SETD1B: variants seen among roughly 807,000 people sequenced by gnomAD.
SETD1B encodes the protein SET domain containing 1B, histone lysine methyltransferase, also known as histone-lysine N-methyltransferase SETD1B.
SETD1B carries 7 observed loss-of-function variants against 148.0 expected under a neutral mutation model. The ratio of observed to expected loss-of-function variants is 0.05; its 90% confidence interval spans 0.03 to 0.09. The LOEUF (loss-of-function observed/expected upper bound fraction) is 0.09. SETD1B is among the 10% of genes least tolerant of loss of function. SETD1B has a pLI of 1.00. For synonymous variants in SETD1B, 1,361 were observed against 1,186.5 expected, an observed-to-expected ratio of 1.15 and a Z score of -3.02; for missense variants, 2,155 against 2,729.9, an observed-to-expected ratio of 0.79 and a Z score of 4.69.
Position 121,804,973 on chromosome 12 carries a change from C to T in SETD1B, c.174+62C>T. ...GTCGTGTCCGGGGAGACGCGCCTAG[C>T]GGCCAGGGACCCCCCGCCCGATCCC... On this transcript the variant is annotated intron_variant, in intron 2 of 16. Transcript: ENST00000604567. The surrounding 1 kb of genome is among the most constrained non-coding windows in gnomAD (Gnocchi z 4.6). 6.8e-7 allele frequency: 1 copy of T among 1,465,220 alleles called. No individual in the cohort carries two copies. The highest frequency in any genetic ancestry group is 9.1e-7 in the Non-Finnish European group (1 of 1,098,988). The allele number at this position is 1,465,220 out of a possible 1,614,324, so 90.8% of individuals were successfully genotyped here.
rs375496006 is a variant in SETD1B at position 121,829,290 on chromosome 12, A to G, written c.5728-776A>G. On this transcript the variant is annotated intron_variant, in intron 16 of 16. Transcript: ENST00000604567. ...CCAAGGGGGCTGTAGCAGGCGGGTG[A>G]GCAGTGATGGGGGCCTGAGCGTGGC... Among the ~76,000 whole-genome samples the G allele has an allele frequency of 4.5e-4, 68 of 152,126 alleles. 1 individual carries two copies. Among genetic ancestry groups the G allele is most frequent in the African/African-American group, 1.6e-3 (67 of 41,502 alleles).
chr12:121,802,390 C>G (rs117907593), upstream of SETD1B: 1 of 152,178 alleles, frequency 6.6e-6, no homozygotes, highest in Admixed American at 6.5e-5. Flanking sequence ...AAAAGAGTAA[C>G]AACTGCTCAC....
intron 7 of SETD1B, 143 bp from the exon 8 acceptor site, chr12:121,816,890 G>C: frequency 1.4e-6 from 1 of 710,802 alleles, no homozygotes; most frequent in Non-Finnish European, 2.3e-6. Flanking sequence ...ACGGCATAGT[G>C]TGGCCAGGTG....
chr12:121,827,883 G>A (rs367757831), intron 15 of SETD1B, 29 bp downstream of exon 15: 101 of 1,552,988 alleles, frequency 6.5e-5, no homozygotes, highest in Non-Finnish European at 7.9e-5. Flanking sequence ...GATGGGCACC[G>A]GGGTGGGCAT....
chr12:121,797,446 C>T, the SETD1B span: 2 of 456,374 alleles, frequency 4.4e-6, no homozygotes, highest in South Asian at 3.1e-5. Context: ...AACTGCCTCA[C>T]CCTCCCTGCC....
Position 121,810,665 on chromosome 12 carries a change from C to T in SETD1B, c.1720C>T (p.Pro574Ser). The change falls in exon 6 of 17, where the codon CCA becomes TCA. Residue 574 changes from proline to serine, a missense_variant. Physicochemically the swap from Pro to Ser is moderately conservative, Grantham distance 74. Transcript: ENST00000604567. The surrounding 1 kb of genome is among the most constrained non-coding windows in gnomAD (Gnocchi z 7.6). Reference protein sequence around the residue: ...PSSTGLEDISPTPLPDSDEDE... With the variant: ...PSSTGLEDISSTPLPDSDEDE... ...CAGCACCGGCCTGGAGGATATCAGC[C>T]CAACACCCCTCCCAGACTCCGACGA... 6.5e-7 allele frequency: 1 copy of T among 1,549,982 alleles called. No homozygotes were observed. The highest frequency in any genetic ancestry group is 8.7e-7 in the Non-Finnish European group (1 of 1,146,824).
rs1244643048 is a variant in SETD1B at position 121,831,480 on chromosome 12, CAAAAG to C, written c.*1242_*1246del. 2.0e-5 allele frequency: 3 copies of C among 150,114 alleles called. No homozygotes were observed. The highest frequency in any genetic ancestry group is 3.9e-4 in the East Asian group (2 of 5,130). 9.3% of individuals were successfully genotyped at this position (150,114 alleles called of 1,614,324 possible). ...TTTTTTTCTTGTGCGTGTATAAAATCAAAAGGAAGGGGAAAAAGGTTTTTGAAGTT... is the reference window on the plus strand; with the variant it reads ...TTTTTTTCTTGTGCGTGTATAAAATCGAAGGGGAAAAAGGTTTTTGAAGTT... On this transcript the variant is annotated 3_prime_UTR_variant, in exon 17 of 17. Coordinates refer to ENST00000604567, the MANE Select transcript of SETD1B (RefSeq NM_001353345.2).
chr12:121,816,949 G>A, intron 7 of SETD1B, 84 bp from the exon 8 acceptor site: 1 of 1,274,632 alleles, frequency 7.8e-7, no homozygotes, highest in East Asian at 2.6e-5. Flanking sequence ...ACTGCCGAGT[G>A]GAAGGCAGGT....
At chr12:121,818,694 T>C (rs1876416501) in intron 10 of SETD1B, among the ~76,000 whole-genome samples, 1 of 149,608 alleles carries the variant, frequency 6.7e-6, no homozygotes, top group South Asian at 2.1e-4. Flanking sequence ...ATCGAGACCA[T>C]CCTGGCTAAC....
In SETD1B at chr12:121,831,739, G is replaced by C. The variant is rs1169852146; in HGVS notation, c.*1500G>C. ...ACCCGGAGTCCTCATCAAGATGAGC[G>C]CGCTCCATGAGGGAGCTGCTCCCAC... On this transcript the variant is annotated 3_prime_UTR_variant, in exon 17 of 17. Transcript: ENST00000604567. The C allele has an allele frequency of 2.0e-5, 3 of 152,176 alleles. 1 individual carries two copies. The highest frequency in any genetic ancestry group is 2.9e-5 in the Non-Finnish European group (2 of 68,022). 9.4% of individuals were successfully genotyped at this position (152,176 alleles called of 1,614,324 possible). A position where few individuals can be genotyped will look rare whatever the true frequency, so the allele number is the denominator to read the frequency against.
At chr12:121,820,727 G>T (rs1268492858) in intron 11 of SETD1B, among the ~76,000 whole-genome samples, 4 of 152,272 alleles carry the variant, frequency 2.6e-5, no homozygotes, top group Non-Finnish European at 5.9e-5. Flanking sequence ...TAGAGATGGG[G>T]TTTCTCCGCG....
chr12:121,803,459 T>G (rs1206448850), upstream of SETD1B: 2 of 152,236 alleles, frequency 1.3e-5, no homozygotes, highest in East Asian at 1.9e-4. The surrounding 1 kb of genome is among the most constrained non-coding windows in gnomAD (Gnocchi z 4.7). Flanking sequence ...TGGTGAACCC[T>G]GGTCTCCCTT....
At chr12:121,795,245 CA>C in the SETD1B span, 3 of 152,392 alleles carry the variant, frequency 2.0e-5, no homozygotes, top group African/African-American at 7.2e-5. Flanking sequence ...ACCCCCTAGA[CA>C]AATGCACAGC....
chr12:121,805,105 T>A lies in SETD1B; in HGVS notation c.175-13T>A. On this transcript the variant is annotated splice_polypyrimidine_tract_variant and intron_variant, in intron 2 of 16. Transcript: ENST00000604567. This position sits in a 1 kb window ranked among gnomAD's most constrained non-coding sequence, Gnocchi z 4.2. ...CAGTTCTCTCATCCCGGCCCCCCAA[T>A]TTCTCCCCACAGATGTCCAGCAACC... is the stretch of plus-strand genomic sequence containing the variant. 1 of 1,550,754 alleles carries A rather than the reference T, an allele frequency of 6.4e-7. No individual in the cohort carries two copies. The highest frequency in any genetic ancestry group is 8.7e-7 in the Non-Finnish European group (1 of 1,146,258).
intron 13 of SETD1B, among the ~76,000 whole-genome samples, chr12:121,827,290 C>T (rs1434860580): frequency 1.3e-5 from 2 of 152,104 alleles, no homozygotes; most frequent in Non-Finnish European, 2.9e-5. Context: ...GAAAAGACAG[C>T]GCCAGGCAAG....
At position 121,810,720 on chromosome 12, in the gene SETD1B, C is replaced by T; in HGVS notation, c.1775C>T (p.Pro592Leu). Residue 592 changes from proline to leucine, a missense_variant, in exon 6 of 17, where the codon CCT becomes CTT. Around this residue, in one of 11 missense-constraint regions of SETD1B, gnomAD observed 295 missense variants for 303.8 expected, o/e 0.97. Transcript: ENST00000604567. This position sits in a 1 kb window ranked among gnomAD's most constrained non-coding sequence, Gnocchi z 7.6. ...GAGGAGCTCGACCTGGGCCTTGGGC[C>T]TCGGCCTCCACCTGAGCCAGGCCCC... is the stretch of plus-strand genomic sequence containing the variant. The part of the protein sequence containing the change: ...EDEELDLGLG[P>L]RPPPEPGPPD... 1 of 1,551,312 alleles carries T rather than the reference C, an allele frequency of 6.4e-7. No individual in the cohort carries two copies. The highest frequency in any genetic ancestry group is 8.7e-7 in the Non-Finnish European group (1 of 1,146,922).
chr12:121,799,044 T>C (rs1486234342), upstream of SETD1B: 1 of 152,256 alleles, frequency 6.6e-6, no homozygotes, highest in Non-Finnish European at 1.5e-5. Context: ...TTGTTAGAAA[T>C]GCCAGTCCTA....
intron 7 of SETD1B, among the ~76,000 whole-genome samples, chr12:121,815,458 C>T (rs1025807568): frequency 1.3e-5 from 2 of 151,912 alleles, no homozygotes; most frequent in African/African-American, 4.8e-5. Flanking sequence ...TGACTCCCCT[C>T]ACCTCCCCTC....
rs1409320478 is a variant in SETD1B at position 121,830,496 on chromosome 12, A to T, written c.*257A>T. On this transcript the variant is annotated 3_prime_UTR_variant, in exon 17 of 17. Coordinates refer to ENST00000604567, the MANE Select transcript of SETD1B (RefSeq NM_001353345.2). The surrounding 1 kb of genome is among the most constrained non-coding windows in gnomAD (Gnocchi z 5.7). ...AACGCCCCTTTCAGGATTTCTGTTTAACTCCAGCATCAGCTTCTCTCTCTC... is the reference window on the plus strand; with the variant it reads ...AACGCCCCTTTCAGGATTTCTGTTTTACTCCAGCATCAGCTTCTCTCTCTC... The T allele has an allele frequency of 2.5e-6, 1 of 401,294 alleles. No homozygotes were observed. The highest frequency in any genetic ancestry group is 4.5e-6 in the Non-Finnish European group (1 of 222,348). 24.9% of individuals were successfully genotyped at this position (401,294 alleles called of 1,614,324 possible). A position where few individuals can be genotyped will look rare whatever the true frequency, so the allele number is the denominator to read the frequency against.
Sources: gnomAD v4.1 joint callset for allele counts (sites outside exome capture counted in the v4.1 genomes callset) on GRCh38, gnomAD v4.1.1 for gene constraint, gnomAD v4.1.1 regional missense constraint, Gnocchi (gnomAD v3.1) non-coding constraint, MANE v1.5 for transcripts, NCBI Gene and HGNC (gene_info 2026-07-23, HGNC 2026-07-21) for gene names.